EYS: variants seen among roughly 807,000 people sequenced by gnomAD.
EYS encodes protein eyes shut homolog.
Under a neutral mutation model 282.1 loss-of-function variants are expected in EYS, and 250 were observed. The observed-to-expected ratio is 0.89, with a 90% CI of 0.80 to 0.98. The LOEUF (loss-of-function observed/expected upper bound fraction) is 0.98. Among genes scored for constraint, EYS ranks in the 50% least tolerant of loss-of-function variants. The pLI, the probability that EYS is intolerant of heterozygous loss-of-function variation, is 0.00. For synonymous variants in EYS, 1,355 were observed against 1,282.9 expected, an observed-to-expected ratio of 1.06 and a Z score of -1.20; for missense variants, 4,016 against 3,709.0, an observed-to-expected ratio of 1.08 and a Z score of -2.15.
At position 65,355,810 on chromosome 6, in the gene EYS, T is replaced by C. The variant is rs1482188688; in HGVS notation, c.1300-2193A>G. ...CTTATACCAATCAGAATGGCCATTA[T>C]TAAAAAGTCAAAAAACAATAGATGT... is the stretch of plus-strand genomic sequence containing the variant. On this transcript the variant is annotated intron_variant, in intron 8 of 42. Transcript: ENST00000503581. 2.6e-5 allele frequency among the ~76,000 whole-genome samples: 4 copies of C among 152,032 alleles called. No individual in the cohort carries two copies. In the East Asian group the frequency reaches 5.8e-4, roughly 22 times the overall value.
At chr6:64,826,054 C>T (rs1455604916) in intron 19 of EYS, among the ~76,000 whole-genome samples, 1 of 151,790 alleles carries the variant, frequency 6.6e-6, no homozygotes, top group Admixed American at 6.6e-5. Flanking sequence ...GCTAAAGTCT[C>T]AGTCTCAGTT....
At chr6:64,364,073 C>T (rs944337314) in intron 29 of EYS, among the ~76,000 whole-genome samples, 8 of 151,678 alleles carry the variant, frequency 5.3e-5, no homozygotes, top group Admixed American at 5.3e-4. Flanking sequence ...AGTTTTTTTC[C>T]CTGTACAGTT....
intron 33 of EYS, among the ~76,000 whole-genome samples, chr6:64,044,388 T>C (rs1485655777): frequency 6.6e-6 from 1 of 152,198 alleles, no homozygotes; most frequent in Non-Finnish European, 1.5e-5. Flanking sequence ...TACCTCAAGA[T>C]GATTTAAAGC....
chr6:63,762,569 C>T lies in EYS; in HGVS notation c.7963G>A (p.Glu2655Lys). The T allele has an allele frequency of 6.4e-7, 1 of 1,550,412 alleles. No homozygotes were observed. Among genetic ancestry groups the T allele is most frequent in the South Asian group, 1.2e-5 (1 of 84,014 alleles). The stretch of plus-strand genomic sequence containing the variant: ...CTACAGTGGTGTGGAGGGTCATGTT[C>T]AGGATCACAGGTAGAAACTGTCTCT... The part of the protein sequence containing the change: ...CTETVSTCDP[E>K]HDPPHHCSRG... Residue 2655 changes from glutamate (E) to lysine (K), a missense_variant, in exon 41 of 43, where the codon GAA becomes AAA. Transcript: ENST00000503581.
intron 40 of EYS, among the ~76,000 whole-genome samples, chr6:63,764,494 A>G (rs1769733202): frequency 1.3e-5 from 2 of 152,022 alleles, no homozygotes; most frequent in African/African-American, 4.8e-5. Flanking sequence ...TTTAAACGTG[A>G]TGCTGTCATT....
intron 22 of EYS, among the ~76,000 whole-genome samples, chr6:64,671,573 G>A (rs1769463893): frequency 6.6e-6 from 1 of 152,104 alleles, no homozygotes; most frequent in Admixed American, 6.6e-5. Context: ...TGTCATTTCA[G>A]GGATGAGGAA....
chr6:64,156,806 A>G (rs949331173), intron 31 of EYS, among the ~76,000 whole-genome samples: 2 of 152,172 alleles, frequency 1.3e-5, no homozygotes, highest in African/African-American at 2.4e-5. Context: ...TGGTGGCAGA[A>G]ATTTCTAAGC....
At chr6:64,041,196 C>A (rs1770373386) in intron 33 of EYS, among the ~76,000 whole-genome samples, 1 of 151,754 alleles carries the variant, frequency 6.6e-6, no homozygotes, top group African/African-American at 2.4e-5. Flanking sequence ...TCATATGGAC[C>A]CCCACAGTTT....
intron 14 of EYS, among the ~76,000 whole-genome samples, chr6:64,946,483 T>G (rs1769292433): frequency 6.6e-6 from 1 of 151,976 alleles, no homozygotes; most frequent in South Asian, 2.1e-4. Context: ...GCTTTCCTAG[T>G]ATTGGGCAAA....
chr6:65,306,303 C>T (rs1177370103), intron 11 of EYS, among the ~76,000 whole-genome samples: 1 of 152,172 alleles, frequency 6.6e-6, no homozygotes, highest in Non-Finnish European at 1.5e-5. Context: ...AAGAAAGCCA[C>T]AGGACTGCCC....
intron 22 of EYS, among the ~76,000 whole-genome samples, chr6:64,686,673 G>A (rs997338376): frequency 7.5e-5 from 11 of 147,102 alleles, no homozygotes; most frequent in African/African-American, 9.9e-5. Context: ...TCCAGGAAGC[G>A]GGAGCTTGCA....
intron 5 of EYS, among the ~76,000 whole-genome samples, chr6:65,441,245 G>T (rs547640823): frequency 6.6e-6 from 1 of 151,552 alleles, no homozygotes; most frequent in African/African-American, 2.4e-5. Flanking sequence ...TGCACATTAT[G>T]TCTCTTCAGG....
intron 28 of EYS, 32 bp downstream of exon 28, chr6:64,436,142 G>A (rs1454591332): frequency 1.5e-6 from 2 of 1,309,752 alleles, no homozygotes; most frequent in Non-Finnish European, 2.1e-6. Flanking sequence ...GCTACTTAAT[G>A]AGATTAACTG....
chr6:65,123,609 G>C (rs955019599), intron 12 of EYS, among the ~76,000 whole-genome samples: 1 of 152,154 alleles, frequency 6.6e-6, no homozygotes, highest in South Asian at 2.1e-4. Context: ...AAGAGCAGAA[G>C]GTTGACAAAC....
intron 35 of EYS, among the ~76,000 whole-genome samples, chr6:63,887,321 T>TG (rs1554184925): frequency 1.3e-5 from 2 of 150,138 alleles, no homozygotes; most frequent in African/African-American, 4.9e-5. Context: ...GGTGTTTTTT[T>TG]TTTTTTTTTT....
At chr6:64,208,172 C>CA (rs1450747088) in intron 31 of EYS, among the ~76,000 whole-genome samples, 2 of 152,150 alleles carry the variant, frequency 1.3e-5, no homozygotes, top group African/African-American at 4.8e-5. Flanking sequence ...ATGTGTTCCA[C>CA]AAAATCATCT....
At chr6:64,827,774 C>A (rs1240895718) in intron 19 of EYS, among the ~76,000 whole-genome samples, 1 of 151,810 alleles carries the variant, frequency 6.6e-6, no homozygotes, top group Non-Finnish European at 1.5e-5. Context: ...ACAATTTTAA[C>A]TATCATGTAA....
At chr6:65,225,218 A>C (rs890177180) in intron 12 of EYS, among the ~76,000 whole-genome samples, 18 of 150,872 alleles carry the variant, frequency 1.2e-4, no homozygotes, top group African/African-American at 4.4e-4. Context: ...TATAATAATC[A>C]ACAAAACTAA....
intron 31 of EYS, among the ~76,000 whole-genome samples, chr6:64,189,193 A>G (rs1158807332): frequency 6.6e-6 from 1 of 152,238 alleles, no homozygotes; most frequent in African/African-American, 2.4e-5. Flanking sequence ...AAAATTATAT[A>G]TAAGTAAGCA....
Sources: gnomAD v4.1 joint callset for allele counts (sites outside exome capture counted in the v4.1 genomes callset) on GRCh38, gnomAD v4.1.1 for gene constraint, MANE v1.5 for transcripts, NCBI Gene and HGNC (gene_info 2026-07-23, HGNC 2026-07-21) for gene names.